LARP1B: variants seen among roughly 807,000 people sequenced by gnomAD.
The protein encoded by LARP1B is la-related protein 1B.
In LARP1B, 76 loss-of-function variants were observed where a neutral mutation model predicts 114.2. The ratio of observed to expected loss-of-function variants is 0.67; its 90% CI spans 0.55 to 0.81. The LOEUF (loss-of-function observed/expected upper bound fraction) is 0.81. Ranked by LOEUF, LARP1B falls within the 30% of genes least tolerant of loss-of-function variation. The pLI, the probability that LARP1B is intolerant of heterozygous loss-of-function variation, is 0.00. For synonymous variants in LARP1B, 345 were observed against 348.0 expected (o/e 0.99, Z 0.10); for missense variants, 1,014 against 1,075.8 (o/e 0.94, Z 0.80).
intron 15 of LARP1B, among the ~76,000 whole-genome samples, chr4:128,186,323 C>T (rs1750342295): frequency 1.3e-5 from 2 of 152,050 alleles, no homozygotes; most frequent in South Asian, 4.2e-4. Context: ...CCCTTTCTTT[C>T]GTGTGACCTC....
At chr4:128,160,211 A>G (rs1184353521) in intron 11 of LARP1B, among the ~76,000 whole-genome samples, 1 of 152,250 alleles carries the variant, frequency 6.6e-6, no homozygotes, top group African/African-American at 2.4e-5. Context: ...TTGGGCCTGT[A>G]GTTTGCTGAC....
At chr4:128,164,333 CTGGAT>C (rs1239126441) in intron 12 of LARP1B, among the ~76,000 whole-genome samples, 1 of 152,004 alleles carries the variant, frequency 6.6e-6, no homozygotes, top group African/African-American at 2.4e-5. Context: ...AGTTAAATTG[CTGGAT>C]TTTTTGCCTT....
chr4:128,078,612 A>AT (rs1385387787), intron 4 of LARP1B, among the ~76,000 whole-genome samples: 3 of 151,960 alleles, frequency 2.0e-5, no homozygotes, highest in Non-Finnish European at 4.4e-5. Context: ...AAAAAAAAAA[A>AT]GTGAGAATAA....
At chr4:128,069,094 T>TAAG (rs1764191710) in intron 1 of LARP1B, 4 of 1,064,314 alleles carry the variant, frequency 3.8e-6, no homozygotes, top group Non-Finnish European at 5.7e-6. Flanking sequence ...TGGTGGCACT[T>TAAG]AAGGCCCTTT....
intron 13 of LARP1B, 73 bp from the exon 14 acceptor site, chr4:128,178,358 A>G: frequency 9.1e-7 from 1 of 1,098,186 alleles, no homozygotes; most frequent in Non-Finnish European, 1.3e-6. Context: ...AGAGAATTAC[A>G]AAATTATCCT....
chr4:128,212,078 T>C (rs1370206015), downstream of LARP1B: 1 of 147,044 alleles, frequency 6.8e-6, no homozygotes, highest in African/African-American at 2.5e-5. Context: ...TTCTCATTAC[T>C]TTTTTTTTTT....
intron 11 of LARP1B, among the ~76,000 whole-genome samples, chr4:128,134,354 A>G (rs2150135560): frequency 6.6e-6 from 1 of 152,330 alleles, no homozygotes; most frequent in Non-Finnish European, 1.5e-5. Flanking sequence ...GAGAAAGGAT[A>G]ATCTCTTCAA....
chr4:128,204,900 G>A (rs1388998012), intron 17 of LARP1B, among the ~76,000 whole-genome samples: 1 of 151,438 alleles, frequency 6.6e-6, no homozygotes, highest in Non-Finnish European at 1.5e-5. Flanking sequence ...TTGGTTTGGA[G>A]CAGAGCCTGG....
chr4:128,107,351 G>T (rs1195254420), intron 9 of LARP1B, 38 bp downstream of exon 9: 1 of 1,606,986 alleles, frequency 6.2e-7, no homozygotes, highest in Admixed American at 1.7e-5. Flanking sequence ...ATGTAACAGT[G>T]GGTTATTTGG....
At chr4:128,198,405 T>G (rs780622364) in intron 15 of LARP1B, among the ~76,000 whole-genome samples, 1 of 152,204 alleles carries the variant, frequency 6.6e-6, no homozygotes, top group African/African-American at 2.4e-5. Context: ...CAAAAAGATA[T>G]GTACTCATGA....
intron 19 of LARP1B, among the ~76,000 whole-genome samples, chr4:128,209,248 G>A (rs1468555650): frequency 4.6e-5 from 7 of 152,058 alleles, no homozygotes; most frequent in Admixed American, 6.6e-5. Context: ...GTGAAACCCC[G>A]TCTCTACTAA....
At chr4:128,158,862 A>G (rs780718258) in intron 11 of LARP1B, among the ~76,000 whole-genome samples, 2 of 152,278 alleles carry the variant, frequency 1.3e-5, no homozygotes, top group East Asian at 1.9e-4. Context: ...ATAACTATAT[A>G]TACATCTTAT....
chr4:128,104,275 C>T (rs1220584378), intron 8 of LARP1B, among the ~76,000 whole-genome samples: 2 of 152,068 alleles, frequency 1.3e-5, no homozygotes, highest in Non-Finnish European at 2.9e-5. Flanking sequence ...AGGCCTCTCT[C>T]CTGTTTTTGA....
intron 9 of LARP1B, among the ~76,000 whole-genome samples, chr4:128,110,931 T>C (rs1262677336): frequency 6.6e-6 from 1 of 152,050 alleles, no homozygotes. Context: ...ATAAGAAGCA[T>C]CTGAGTGTGG....
At chr4:128,078,596 C>G (rs886218085) in intron 4 of LARP1B, among the ~76,000 whole-genome samples, 1 of 148,960 alleles carries the variant, frequency 6.7e-6, no homozygotes, top group Non-Finnish European at 1.5e-5. Context: ...GCAAGACTGT[C>G]TCAAAAAAAA....
chr4:128,182,361 C>T lies in LARP1B; in HGVS notation c.2003+2849C>T, dbSNP rs1035294955. ...CTGGACTCAAGCAGTTCTCCTATCT[C>T]GGCCTTCCAAAGTGCTGTGATTACA... On this transcript the variant is annotated intron_variant, in intron 15 of 19. Coordinates refer to ENST00000326639, the MANE Select transcript of LARP1B (RefSeq NM_018078.4). 1.5e-4 allele frequency among the ~76,000 whole-genome samples: 23 copies of T among 152,002 alleles called. No homozygotes were observed. In the South Asian group the frequency reaches 4.4e-3, roughly 29 times the overall value.
chr4:128,135,308 T>C (rs1310969702), intron 11 of LARP1B, among the ~76,000 whole-genome samples: 1 of 152,040 alleles, frequency 6.6e-6, no homozygotes, highest in Non-Finnish European at 1.5e-5. Flanking sequence ...ATTAGACCCT[T>C]GCGAACTCTC....
chr4:128,118,177 C>A (rs1242735877), intron 10 of LARP1B, among the ~76,000 whole-genome samples: 2 of 146,874 alleles, frequency 1.4e-5, no homozygotes, highest in South Asian at 4.3e-4. Flanking sequence ...CCACCCACCT[C>A]GATCTTTCAA....
At chr4:128,104,962 A>G (rs529337715) in intron 8 of LARP1B, among the ~76,000 whole-genome samples, 53 of 152,238 alleles carry the variant, frequency 3.5e-4, no homozygotes, top group African/African-American at 1.2e-3. Context: ...CAAAACCACC[A>G]CTATTGGGAG....
Sources: allele counts gnomAD v4.1 joint callset (sites outside exome capture counted in the v4.1 genomes callset), GRCh38; gene constraint gnomAD v4.1.1; transcripts MANE v1.5; gene names NCBI Gene and HGNC (gene_info 2026-07-23, HGNC 2026-07-21).